The following MTX2 variants were observed in gnomAD, a reference collection of about 807,000 sequenced individuals.
MTX2 encodes the protein metaxin-2.
MTX2 carries 35 observed loss-of-function variants against 42.3 expected under a neutral mutation model. That is an observed-to-expected ratio of 0.83 (90% confidence interval 0.63 to 1.10). The LOEUF (loss-of-function observed/expected upper bound fraction) is 1.10, where lower values mean the gene tolerates loss of function less well. Ranked by LOEUF, MTX2 falls within the 50% of genes least tolerant of loss-of-function variation. The pLI is 0.00. For synonymous variants in MTX2, 119 were observed against 100.9 expected, an observed-to-expected ratio of 1.18 and a Z score of -1.08; for missense variants, 307 against 304.1, an observed-to-expected ratio of 1.01 and a Z score of -0.07.
At chr2:176,337,046 T>A (rs73036891) in intron 9 of MTX2, among the ~76,000 whole-genome samples, 2,132 of 152,242 alleles carry the variant, frequency 0.014, 62 homozygotes, top group African/African-American at 0.049. Flanking sequence ...ATATTTTAAA[T>A]CATCTTTGGA....
chr2:176,281,939 G>C (rs953117755), intron 1 of MTX2, among the ~76,000 whole-genome samples: 14 of 152,072 alleles, frequency 9.2e-5, no homozygotes, highest in African/African-American at 3.1e-4. Context: ...ATTGAGGATG[G>C]AGATAAGACA....
Position 176,337,483 on chromosome 2 carries a change from C to T in MTX2, c.621-10C>T. The stretch of plus-strand genomic sequence containing the variant: ...CTACTTACTCACATTACTCTCATTT[C>T]TACTTTTAGGCCTACTGAACTTGAC... On this transcript the variant is annotated splice_polypyrimidine_tract_variant and intron_variant, in intron 9 of 9. Coordinates refer to ENST00000249442, the MANE Select transcript of MTX2 (RefSeq NM_006554.5). 1.3e-6 allele frequency: 2 copies of T among 1,578,748 alleles called. No individual in the cohort carries two copies. Among genetic ancestry groups the T allele is most frequent in the South Asian group, 2.3e-5 (2 of 85,612 alleles).
At chr2:176,329,274 C>CT in intron 7 of MTX2, 27 bp from the exon 8 acceptor site, 1 of 1,563,680 alleles carries the variant, frequency 6.4e-7, no homozygotes, top group Non-Finnish European at 8.6e-7. Flanking sequence ...GAAGGATCAC[C>CT]TTTTTTACAA....
At chr2:176,313,993 C>T (rs903725242) in intron 3 of MTX2, among the ~76,000 whole-genome samples, 2 of 152,128 alleles carry the variant, frequency 1.3e-5, no homozygotes, top group Admixed American at 6.6e-5. Context: ...TGACTATTTC[C>T]ATTCAACCAC....
intron 7 of MTX2, 138 bp from the exon 8 acceptor site, chr2:176,329,163 T>C: frequency 3.7e-6 from 4 of 1,092,592 alleles, no homozygotes; most frequent in Non-Finnish European, 5.0e-6. Context: ...TTTAATTTTT[T>C]AGATTGCAGG....
intron 1 of MTX2, among the ~76,000 whole-genome samples, chr2:176,280,634 C>T (rs1176830151): frequency 6.6e-6 from 1 of 152,164 alleles, no homozygotes; most frequent in Non-Finnish European, 1.5e-5. Flanking sequence ...AAGCAATAAG[C>T]AACATCGAGT....
At chr2:176,330,248 A>T (rs1684828260) in intron 8 of MTX2, among the ~76,000 whole-genome samples, 1 of 150,830 alleles carries the variant, frequency 6.6e-6, no homozygotes. Context: ...TTTGTTCTTG[A>T]CAAAATCCTT....
At chr2:176,293,197 C>T (rs1005487368) in intron 1 of MTX2, among the ~76,000 whole-genome samples, 2 of 152,014 alleles carry the variant, frequency 1.3e-5, no homozygotes, top group East Asian at 1.9e-4. Flanking sequence ...TTCTTTTTCC[C>T]ACTCCAGGGA....
intron 3 of MTX2, among the ~76,000 whole-genome samples, chr2:176,303,784 T>G (rs1325831823): frequency 1.3e-5 from 2 of 152,074 alleles, no homozygotes; most frequent in African/African-American, 4.8e-5. Flanking sequence ...CTATAGGAGT[T>G]GTTGTTTTTA....
intron 4 of MTX2, among the ~76,000 whole-genome samples, chr2:176,326,533 A>G (rs2105442609): frequency 6.6e-6 from 1 of 151,758 alleles, no homozygotes; most frequent in African/African-American, 2.4e-5. Context: ...TTGCTGCTAT[A>G]TGGTGATATG....
intron 3 of MTX2, among the ~76,000 whole-genome samples, chr2:176,314,233 C>T (rs1684384021): frequency 6.6e-6 from 1 of 152,076 alleles, no homozygotes; most frequent in Non-Finnish European, 1.5e-5. Flanking sequence ...GCCAGGAGTT[C>T]ACGACCAGCC....
At chr2:176,317,118 C>T (rs1343556040) in intron 3 of MTX2, among the ~76,000 whole-genome samples, 1 of 151,054 alleles carries the variant, frequency 6.6e-6, no homozygotes, top group Non-Finnish European at 1.5e-5. Flanking sequence ...TAAAACTAGA[C>T]AATATTTTTT....
chr2:176,269,492 C>G lies in MTX2; in HGVS notation c.-138C>G, dbSNP rs1003112592. On this transcript the variant is annotated 5_prime_UTR_variant, in exon 1 of 10. Transcript: ENST00000249442. The stretch of plus-strand genomic sequence containing the variant: ...CTTGGGGGCCTCACTGCAGCCGCCG[C>G]TGCTGTTGGAGTGGGCTTTGCGAGT... 5 of 957,528 alleles carry G rather than the reference C, an allele frequency of 5.2e-6. No homozygotes were observed. The highest frequency in any genetic ancestry group is 1.7e-5 in the African/African-American group (1 of 57,644). 59.3% of individuals were successfully genotyped at this position (957,528 alleles called of 1,614,324 possible). A position where few individuals can be genotyped will look rare whatever the true frequency, so the allele number is the denominator to read the frequency against.
intron 1 of MTX2, among the ~76,000 whole-genome samples, chr2:176,281,655 C>T (rs974373425): frequency 6.6e-6 from 1 of 152,052 alleles, no homozygotes; most frequent in Non-Finnish European, 1.5e-5. Context: ...CTGTTGTGGA[C>T]GTATTTAAGA....
intron 3 of MTX2, among the ~76,000 whole-genome samples, chr2:176,302,069 G>T (rs1684036383): frequency 6.6e-6 from 1 of 150,590 alleles, no homozygotes; most frequent in Non-Finnish European, 1.5e-5. Context: ...AGACTTTCTA[G>T]TAAGTTTTAG....
rs182425046 is a variant in MTX2, at chr2:176,316,640, C to T, written c.136-6752C>T. On this transcript the variant is annotated intron_variant, in intron 3 of 9. Transcript: ENST00000249442. ...CTGGTCTTGAACTCCTGGGCTCAAG[C>T]GATCCACCTGCTTCGGCCTCCCAAA... Among the ~76,000 whole-genome samples, 272 of 152,110 alleles carry T rather than the reference C, an allele frequency of 1.8e-3. 2 individuals are homozygous for T. The highest frequency in any genetic ancestry group is 6.0e-3 in the African/African-American group (247 of 41,500).
chr2:176,310,978 C>T lies in MTX2; in HGVS notation c.136-12414C>T, dbSNP rs191235512. 3.2e-3 allele frequency among the ~76,000 whole-genome samples: 487 copies of T among 152,264 alleles called. 5 individuals carry two copies. In the East Asian group the frequency reaches 0.035, roughly 11 times the overall value. Reference sequence around the variant, plus strand: ...CTGCTATCCTTTGGAGGAGGAGAGGCACTCTGATTTAGAATTTTTAGCTTT... The same window carrying T: ...CTGCTATCCTTTGGAGGAGGAGAGGTACTCTGATTTAGAATTTTTAGCTTT... On this transcript the variant is annotated intron_variant, in intron 3 of 9. Transcript: ENST00000249442.
chr2:176,333,036 A>G (rs935156784), intron 9 of MTX2, among the ~76,000 whole-genome samples: 10 of 151,566 alleles, frequency 6.6e-5, no homozygotes, highest in African/African-American at 2.2e-4. Flanking sequence ...TTTGATATTC[A>G]AATGAAAAAA....
chr2:176,291,658 C>G (rs1485802301), intron 1 of MTX2, among the ~76,000 whole-genome samples: 1 of 152,040 alleles, frequency 6.6e-6, no homozygotes, highest in Non-Finnish European at 1.5e-5. Flanking sequence ...AAAATATTAT[C>G]CACTTTCAAG....
Sources: gnomAD v4.1 joint callset for allele counts (sites outside exome capture counted in the v4.1 genomes callset) on GRCh38, gnomAD v4.1.1 for gene constraint, MANE v1.5 for transcripts, NCBI Gene and HGNC (gene_info 2026-07-23, HGNC 2026-07-21) for gene names.